SCG5: variants seen among roughly 807,000 people sequenced by gnomAD.
SCG5 encodes the protein secretogranin V.
In SCG5, 18 loss-of-function variants were observed where a neutral mutation model predicts 25.7. That is an observed-to-expected ratio of 0.70 (90% CI 0.48 to 1.04). The LOEUF (loss-of-function observed/expected upper bound fraction) is 1.04, where lower values mean the gene tolerates loss of function less well. Ranked by LOEUF, SCG5 falls within the 50% of genes least tolerant of loss-of-function variation. The pLI is 0.00. For missense variants in SCG5, 206 were observed against 259.8 expected (o/e 0.79, Z 1.42); for synonymous variants, 101 against 91.7 (o/e 1.10, Z -0.58).
At chr15:32,693,239 CAG>C (rs1253364293) in intron 5 of SCG5, among the ~76,000 whole-genome samples, 2 of 152,200 alleles carry the variant, frequency 1.3e-5, no homozygotes, top group Non-Finnish European at 2.9e-5. Context: ...TGCCCTGACT[CAG>C]TGAATGACCA....
At chr15:32,655,460 A>G (rs1053758111) in intron 2 of SCG5, among the ~76,000 whole-genome samples, 1 of 152,102 alleles carries the variant, frequency 6.6e-6, no homozygotes, top group Non-Finnish European at 1.5e-5. Flanking sequence ...CCCTTCAGCT[A>G]TGATTGTCTC....
rs758477629 is a variant in SCG5 at position 32,643,694 on chromosome 15, G to A, written c.102G>A (p.Arg34=). The A allele has an allele frequency of 6.2e-7, 1 of 1,613,868 alleles. No individual in the cohort carries two copies. The highest frequency in any genetic ancestry group is 8.5e-7 in the Non-Finnish European group (1 of 1,179,854). ...AFAYSPRTPD[R]VSEADIQRLL... is the part of the protein sequence containing the mutation. Reference sequence around the variant, plus strand: ...CTTACAGCCCCCGGACCCCTGACCGGGTCTCAGAAGCAGATATCCAGAGGC... The same window carrying A: ...CTTACAGCCCCCGGACCCCTGACCGAGTCTCAGAAGCAGATATCCAGAGGC... Residue 34 remains arginine (R), a synonymous_variant, in exon 2 of 6, where the codon CGG becomes CGA. Coordinates refer to ENST00000300175, the MANE Select transcript of SCG5 (RefSeq NM_001144757.3).
chr15:32,691,584 GTTTTGTTTCCAAAATATGCGTATGCAA>G lies in SCG5; in HGVS notation c.490-125_490-99del, dbSNP rs565304566. ...TCTGACACGACATTCCTTTCATCTA[GTTTTGTTTCCAAAATATGCGTATGCAA>G]ATATCTAGGGGACACACCAAGTATT... On this transcript the variant is annotated intron_variant, in intron 4 of 5. Transcript: ENST00000300175. The G allele has an allele frequency of 7.9e-6, 6 of 755,370 alleles. No homozygotes were observed. The African/African-American group carries it at 1.1e-4, about 13-fold the overall frequency. 46.8% of individuals were successfully genotyped at this position (755,370 alleles called of 1,614,324 possible).
At chr15:32,659,823 C>T (rs567164610) in intron 2 of SCG5, among the ~76,000 whole-genome samples, 1 of 152,190 alleles carries the variant, frequency 6.6e-6, no homozygotes, top group South Asian at 2.1e-4. Context: ...ACCTAAGACG[C>T]CTGGCTCCTG....
chr15:32,647,055 C>T (rs562774040), intron 2 of SCG5, among the ~76,000 whole-genome samples: 7 of 152,254 alleles, frequency 4.6e-5, no homozygotes, highest in South Asian at 4.1e-4. Flanking sequence ...CAGAGACACC[C>T]GAATTTGAAT....
chr15:32,689,617 TG>T (rs1263274596), intron 4 of SCG5, among the ~76,000 whole-genome samples: 1 of 152,140 alleles, frequency 6.6e-6, no homozygotes, highest in East Asian at 1.9e-4. Flanking sequence ...GGAATGGGCG[TG>T]AGGAGAGATA....
At position 32,683,424 on chromosome 15, in the gene SCG5, C is replaced by T. The variant is rs114963485; in HGVS notation, c.377-1133C>T. ...ATGACTCATTTTTAGAGCATCATGCCTAGTAATAATAGAATTTACATAAAA... is the reference window on the plus strand; with the variant it reads ...ATGACTCATTTTTAGAGCATCATGCTTAGTAATAATAGAATTTACATAAAA... On this transcript the variant is annotated intron_variant, in intron 3 of 5. Transcript: ENST00000300175. 4.4e-3 allele frequency among the ~76,000 whole-genome samples: 663 copies of T among 152,186 alleles called. 5 individuals carry two copies. Among genetic ancestry groups the T allele is most frequent in the African/African-American group, 0.015 (636 of 41,510 alleles).
chr15:32,683,719 C>G (rs960250686), intron 3 of SCG5, among the ~76,000 whole-genome samples: 1 of 152,198 alleles, frequency 6.6e-6, no homozygotes, highest in Admixed American at 6.5e-5. Flanking sequence ...AGGAACTAAG[C>G]CTATCTATAT....
At chr15:32,658,979 A>G (rs1233210130) in intron 2 of SCG5, among the ~76,000 whole-genome samples, 2 of 152,154 alleles carry the variant, frequency 1.3e-5, no homozygotes, top group African/African-American at 2.4e-5. Flanking sequence ...GATTGAGACC[A>G]TCCTGGCTAA....
chr15:32,682,042 A>C (rs2054628957), intron 3 of SCG5, among the ~76,000 whole-genome samples: 1 of 152,170 alleles, frequency 6.6e-6, no homozygotes, highest in South Asian at 2.1e-4. Context: ...TTGGATGGGT[A>C]GGAAGAAAGA....
chr15:32,660,544 G>A (rs1372658892), intron 2 of SCG5, among the ~76,000 whole-genome samples: 1 of 152,190 alleles, frequency 6.6e-6, no homozygotes, highest in African/African-American at 2.4e-5. Flanking sequence ...TCTATTAATA[G>A]AGCTCATTCA....
intron 1 of SCG5, among the ~76,000 whole-genome samples, chr15:32,642,224 C>T (rs928592860): frequency 5.9e-5 from 9 of 151,910 alleles, no homozygotes; most frequent in African/African-American, 2.2e-4. Context: ...ACGATTTTGC[C>T]TCCTCCCACC....
chr15:32,652,586 T>A (rs2054050335), intron 2 of SCG5, among the ~76,000 whole-genome samples: 1 of 152,126 alleles, frequency 6.6e-6, no homozygotes, highest in Non-Finnish European at 1.5e-5. Flanking sequence ...GGTCTTTCCT[T>A]CCTCCATTGG....
intron 2 of SCG5, among the ~76,000 whole-genome samples, chr15:32,670,215 T>G (rs2054396286): frequency 6.6e-6 from 1 of 152,262 alleles, no homozygotes. Context: ...TTCATTTTGC[T>G]TATCTGCCAA....
chr15:32,684,338 T>C lies in SCG5; in HGVS notation c.377-219T>C, dbSNP rs2054666866. ...GTGCTAAGGAGGAAAGGGAAGTGGG[T>C]TTGGTGAACAGCCAGTGAGTCTCTG... is the stretch of plus-strand genomic sequence containing the variant. On this transcript the variant is annotated intron_variant, in intron 3 of 5. Coordinates refer to ENST00000300175, the MANE Select transcript of SCG5 (RefSeq NM_001144757.3). 2.2e-5 allele frequency: 11 copies of C among 496,220 alleles called. No homozygotes were observed. The South Asian group carries it at 2.9e-4, about 13-fold the overall frequency. The allele number at this position is 496,220 out of a possible 1,614,324, so 30.7% of individuals were successfully genotyped here.
At chr15:32,689,268 T>G (rs1459327793) in intron 4 of SCG5, among the ~76,000 whole-genome samples, 3 of 152,240 alleles carry the variant, frequency 2.0e-5, no homozygotes, top group African/African-American at 7.2e-5. Flanking sequence ...CATATTATTA[T>G]GTATTCTGGT....
At chr15:32,696,220 C>T (rs1395031695) in intron 5 of SCG5, among the ~76,000 whole-genome samples, 1 of 152,088 alleles carries the variant, frequency 6.6e-6, no homozygotes, top group African/African-American at 2.4e-5. Flanking sequence ...CGGGTTCACG[C>T]CATTCTCCTG....
At chr15:32,666,759 C>A (rs979996283) in intron 2 of SCG5, among the ~76,000 whole-genome samples, 1 of 152,142 alleles carries the variant, frequency 6.6e-6, no homozygotes. Context: ...ATCCTCATAC[C>A]AACGGCTTAA....
chr15:32,663,310 C>T (rs1442818977), intron 2 of SCG5, among the ~76,000 whole-genome samples: 1 of 151,872 alleles, frequency 6.6e-6, no homozygotes, highest in African/African-American at 2.4e-5. Flanking sequence ...TCTCTGCCTC[C>T]TTACTCCTTC....
Sources: allele counts gnomAD v4.1 joint callset (sites outside exome capture counted in the v4.1 genomes callset), GRCh38; gene constraint gnomAD v4.1.1; transcripts MANE v1.5; gene names NCBI Gene and HGNC (gene_info 2026-07-23, HGNC 2026-07-21).